FANCL: variants seen among roughly 807,000 people sequenced by gnomAD.
The protein encoded by FANCL is FA complementation group L, also known as E3 ubiquitin-protein ligase FANCL.
Under a neutral mutation model 59.4 loss-of-function variants are expected in FANCL, and 69 were observed. The observed-to-expected ratio is 1.16, with a 90% CI of 0.96 to 1.42. The LOEUF is 1.42. FANCL is among the 40% of genes most tolerant of loss of function. The pLI is 0.00. For synonymous variants in FANCL, 180 were observed against 147.1 expected, an observed-to-expected ratio of 1.22 and a Z score of -1.62; for missense variants, 519 against 447.2, an observed-to-expected ratio of 1.16 and a Z score of -1.45.
intron 7 of FANCL, among the ~76,000 whole-genome samples, chr2:58,187,271 C>T (rs528864727): frequency 3.3e-5 from 5 of 152,036 alleles, no homozygotes; most frequent in East Asian, 3.9e-4. Flanking sequence ...TGTTGGGACA[C>T]GGATGAAGCT....
chr2:58,165,721 T>A lies in FANCL; in HGVS notation c.691+3A>T. The A allele has an allele frequency of 6.2e-7, 1 of 1,614,096 alleles. No individual in the cohort carries two copies. On this transcript the variant is annotated splice_donor_region_variant and intron_variant, in intron 8 of 13. Transcript: ENST00000233741. ...ACAAACCCTTAATCCTCCTTGTCCC[T>A]ACCTAATGCAATTCTGCGTGCTGTT...
intron 7 of FANCL, among the ~76,000 whole-genome samples, chr2:58,177,038 C>A (rs1228517219): frequency 6.6e-6 from 1 of 152,196 alleles, no homozygotes; most frequent in Non-Finnish European, 1.5e-5. Context: ...AAATGCTCAT[C>A]ATCACTGGCC....
rs1002397666 is a variant in FANCL, at chr2:58,203,461, G to A, written c.471+669C>T. 2.0e-5 allele frequency among the ~76,000 whole-genome samples: 3 copies of A among 151,456 alleles called. No homozygotes were observed. In the East Asian group the frequency reaches 5.8e-4, roughly 29 times the overall value. On this transcript the variant is annotated intron_variant, in intron 6 of 13. Coordinates refer to ENST00000233741, the MANE Select transcript of FANCL (RefSeq NM_018062.4). ...TTCTTCAAATTCTCATGTTTCTCCA[G>A]TGATTACTAGGTAAATGATTAATAT...
chr2:58,192,130 TA>T (rs1419333106), intron 7 of FANCL, among the ~76,000 whole-genome samples: 1 of 151,970 alleles, frequency 6.6e-6, no homozygotes, highest in East Asian at 1.9e-4. Flanking sequence ...GGCATTTGAT[TA>T]AAAAAACCTG....
Position 58,180,517 on chromosome 2 carries a change from T to G in FANCL, c.541-14643A>C, listed in dbSNP as rs576212318. Among the ~76,000 whole-genome samples, 31 of 151,906 alleles carry G rather than the reference T, an allele frequency of 2.0e-4. 1 individual carries two copies. In the South Asian group the frequency reaches 5.8e-3, roughly 28 times the overall value. On this transcript the variant is annotated intron_variant, in intron 7 of 13. Coordinates refer to ENST00000233741, the MANE Select transcript of FANCL (RefSeq NM_018062.4). ...GCTGGAGTTGAACAATGAGAACACA[T>G]GGACACAGGGAGGGAAATATCACAC... is the stretch of plus-strand genomic sequence containing the variant.
intron 1 of FANCL, among the ~76,000 whole-genome samples, chr2:58,232,834 C>G (rs1693705790): frequency 6.6e-6 from 1 of 151,812 alleles, no homozygotes; most frequent in Non-Finnish European, 1.5e-5. Context: ...GGATAATACA[C>G]AGGAAACTTG....
At chr2:58,179,436 C>G (rs1000902069) in intron 7 of FANCL, among the ~76,000 whole-genome samples, 1 of 152,140 alleles carries the variant, frequency 6.6e-6, no homozygotes, top group Non-Finnish European at 1.5e-5. Context: ...CGCCACACAT[C>G]TACAACCATC....
At chr2:58,226,626 TAAG>T (rs1342911506) in intron 4 of FANCL, 99 bp downstream of exon 4, 7 of 870,318 alleles carry the variant, frequency 8.0e-6, no homozygotes, top group East Asian at 7.6e-5. Context: ...GACTGAGAGT[TAAG>T]AAGACAAATT....
At chr2:58,199,762 T>C (rs537011360) in intron 6 of FANCL, among the ~76,000 whole-genome samples, 1 of 152,238 alleles carries the variant, frequency 6.6e-6, no homozygotes, top group South Asian at 2.1e-4. Flanking sequence ...CCCATTTCTT[T>C]TCATTAAAAA....
chr2:58,172,497 G>A (rs1306251615), intron 7 of FANCL, among the ~76,000 whole-genome samples: 1 of 152,198 alleles, frequency 6.6e-6, no homozygotes, highest in Admixed American at 6.5e-5. Context: ...AACAGGGTCT[G>A]GAGTGGACCT....
At chr2:58,192,465 TGA>T (rs1689019459) in intron 7 of FANCL, among the ~76,000 whole-genome samples, 1 of 151,860 alleles carries the variant, frequency 6.6e-6, no homozygotes, top group Non-Finnish European at 1.5e-5. Context: ...TTTTAAAAAG[TGA>T]CCTCTAGGAA....
chr2:58,201,171 T>C (rs1347291929), intron 6 of FANCL, among the ~76,000 whole-genome samples: 2 of 151,424 alleles, frequency 1.3e-5, no homozygotes. Flanking sequence ...AAAATTAAGA[T>C]ACTTTTCAAT....
chr2:58,178,152 A>C (rs535408123), intron 7 of FANCL, among the ~76,000 whole-genome samples: 1 of 152,180 alleles, frequency 6.6e-6, no homozygotes, highest in Non-Finnish European at 1.5e-5. Context: ...GCCAAATTCT[A>C]CCAGAGGTAC....
intron 5 of FANCL, among the ~76,000 whole-genome samples, chr2:58,211,623 G>A (rs1041925692): frequency 6.6e-6 from 1 of 152,064 alleles, no homozygotes; most frequent in Non-Finnish European, 1.5e-5. Context: ...TTTATTTTAT[G>A]CTGTTTCCCT....
intron 2 of FANCL, among the ~76,000 whole-genome samples, chr2:58,231,830 A>AT (rs958415699): frequency 6.6e-6 from 1 of 152,150 alleles, no homozygotes; most frequent in African/African-American, 2.4e-5. Flanking sequence ...TGCTTTAAAT[A>AT]TTTTTTTAAA....
At chr2:58,232,323 T>G (rs1402540024) in intron 1 of FANCL, among the ~76,000 whole-genome samples, 1 of 152,134 alleles carries the variant, frequency 6.6e-6, no homozygotes, top group African/African-American at 2.4e-5. Context: ...AACTTTGTAG[T>G]TACTGGGAAA....
At position 58,159,773 on chromosome 2, in the gene FANCL, T is replaced by C. The variant is rs1684808908; in HGVS notation, c.1120A>G (p.Lys374Glu). The change falls in exon 14 of 14, where the codon AAA (lysine) becomes GAA (glutamate). Residue 374 changes from lysine to glutamate, a missense_variant. Lys to Glu is a moderately conservative substitution (Grantham distance 56, BLOSUM62 1). Transcript: ENST00000233741. ...AATGTTGTATTCTTATTTCAGTGTT[T>C]CCTTCCAGACATTTTTAAGGTAATT... ...KPITLKMSGRKH is the reference protein window; with the variant it reads ...KPITLKMSGREH 2 of 1,613,262 alleles carry C rather than the reference T, an allele frequency of 1.2e-6. No individual in the cohort carries two copies. Among genetic ancestry groups the C allele is most frequent in the Non-Finnish European group, 1.7e-6 (2 of 1,179,602 alleles).
intron 7 of FANCL, among the ~76,000 whole-genome samples, chr2:58,171,457 T>C (rs1384001129): frequency 6.6e-6 from 1 of 151,732 alleles, no homozygotes; most frequent in African/African-American, 2.4e-5. Context: ...AACATCACAA[T>C]TAAAAGAACT....
At chr2:58,193,304 C>A (rs1400139463) in intron 7 of FANCL, among the ~76,000 whole-genome samples, 1 of 152,012 alleles carries the variant, frequency 6.6e-6, no homozygotes, top group African/African-American at 2.4e-5. Context: ...TACAATGACA[C>A]CTCAATACTA....
Sources: allele counts gnomAD v4.1 joint callset (sites outside exome capture counted in the v4.1 genomes callset), GRCh38; gene constraint gnomAD v4.1.1; transcripts MANE v1.5; gene names NCBI Gene and HGNC (gene_info 2026-07-23, HGNC 2026-07-21).